The following QPCT variants were observed in gnomAD, a reference collection of about 807,000 sequenced individuals.
The protein encoded by QPCT is glutaminyl-peptide cyclotransferase, also known as EC.
QPCT carries 44 observed loss-of-function variants against 43.4 expected under a neutral mutation model. The ratio of observed to expected loss-of-function variants is 1.01; its 90% CI spans 0.80 to 1.30. The LOEUF (loss-of-function observed/expected upper bound fraction) is 1.30, where lower values mean the gene tolerates loss of function less well. Among genes scored for constraint, QPCT ranks in the 50% most tolerant of loss-of-function variants. The pLI, the probability that QPCT is intolerant of heterozygous loss-of-function variation, is 0.00. For missense variants in QPCT, 526 were observed against 436.5 expected, an observed-to-expected ratio of 1.21 and a Z score of -1.83; for synonymous variants, 168 against 168.4, an observed-to-expected ratio of 1.00 and a Z score of 0.02.
intron 3 of QPCT, among the ~76,000 whole-genome samples, chr2:37,365,066 C>T (rs2124940581): frequency 6.7e-6 from 1 of 149,780 alleles, no homozygotes; most frequent in Non-Finnish European, 1.5e-5. Context: ...TAACAATACA[C>T]ACACAACACA....
At chr2:37,355,543 A>G (rs74530201) in intron 2 of QPCT, among the ~76,000 whole-genome samples, 4,472 of 152,320 alleles carry the variant, frequency 0.029, 88 homozygotes, top group Non-Finnish European at 0.043. Context: ...TGTAGTTACC[A>G]GTAAAGATGT....
intron 3 of QPCT, 192 bp from the exon 4 acceptor site, chr2:37,367,040 G>A: frequency 1.7e-6 from 1 of 593,400 alleles, no homozygotes; most frequent in Admixed American, 3.1e-5. Context: ...GTTTATATGG[G>A]TGAAGACTGT....
chr2:37,359,987 A>G, intron 3 of QPCT, 129 bp downstream of exon 3: 1 of 1,005,668 alleles, frequency 9.9e-7, no homozygotes, highest in South Asian at 1.6e-5. Flanking sequence ...TTTTATTATG[A>G]ACATTAATTG....
intron 2 of QPCT, among the ~76,000 whole-genome samples, chr2:37,354,231 T>C (rs549401123): frequency 6.6e-6 from 1 of 152,336 alleles, no homozygotes; most frequent in East Asian, 1.9e-4. Context: ...CATATGTCTG[T>C]GTCCCCATTA....
intron 1 of QPCT, among the ~76,000 whole-genome samples, chr2:37,346,921 C>G (rs568097449): frequency 6.6e-6 from 1 of 151,682 alleles, no homozygotes; most frequent in Admixed American, 6.6e-5. Context: ...ATTTTGAAAT[C>G]CATTTCCTTC....
At chr2:37,356,373 A>T (rs909005593) in intron 2 of QPCT, among the ~76,000 whole-genome samples, 15 of 152,046 alleles carry the variant, frequency 9.9e-5, no homozygotes, top group African/African-American at 2.7e-4. Flanking sequence ...CCATTTTAAA[A>T]CATAGATGTA....
chr2:37,363,415 G>C (rs1672892686), intron 3 of QPCT, among the ~76,000 whole-genome samples: 2 of 143,264 alleles, frequency 1.4e-5, no homozygotes, highest in Admixed American at 7.2e-5. Flanking sequence ...TTGAGGCCAA[G>C]AGTTTGAGAC....
chr2:37,352,440 C>T (rs138286686), intron 1 of QPCT, among the ~76,000 whole-genome samples: 3,046 of 152,284 alleles, frequency 0.02, 45 homozygotes, highest in Middle Eastern at 0.044. Flanking sequence ...CCTCCCACCT[C>T]AGCCTCCTAA....
chr2:37,354,167 C>T (rs1292021310), intron 2 of QPCT, among the ~76,000 whole-genome samples: 1 of 152,212 alleles, frequency 6.6e-6, no homozygotes, highest in African/African-American at 2.4e-5. Flanking sequence ...TCCGGCTGAG[C>T]TCTTCCTTTC....
chr2:37,364,142 A>G (rs1332708538), intron 3 of QPCT, among the ~76,000 whole-genome samples: 1 of 152,236 alleles, frequency 6.6e-6, no homozygotes, highest in South Asian at 2.1e-4. Flanking sequence ...CAGAAAAATT[A>G]AATAGGAAAA....
chr2:37,348,063 C>CAT (rs1227697325), intron 1 of QPCT, among the ~76,000 whole-genome samples: 23 of 148,488 alleles, frequency 1.5e-4, no homozygotes, highest in African/African-American at 5.2e-4. Context: ...CGCGCGCACG[C>CAT]GTGTGTGTGT....
chr2:37,368,054 A>G (rs780073734), intron 4 of QPCT, among the ~76,000 whole-genome samples: 72 of 152,260 alleles, frequency 4.7e-4, no homozygotes, highest in Non-Finnish European at 8.5e-4. Context: ...GGCCTTTATA[A>G]GTCTGAAGAA....
chr2:37,368,157 G>C (rs1673003073), intron 4 of QPCT: 1 of 163,042 alleles, frequency 6.1e-6, no homozygotes. Flanking sequence ...GTGTGACTAT[G>C]ACAGTTTGAT....
intron 2 of QPCT, among the ~76,000 whole-genome samples, chr2:37,354,446 G>A (rs142402872): frequency 1.7e-3 from 260 of 152,324 alleles, no homozygotes; most frequent in African/African-American, 6.0e-3. Context: ...TCAGAACAGT[G>A]TGTGGATGCT....
intron 2 of QPCT, among the ~76,000 whole-genome samples, chr2:37,357,178 A>T (rs933484212): frequency 1.3e-5 from 2 of 152,190 alleles, no homozygotes; most frequent in African/African-American, 4.8e-5. Context: ...TATATTTTTT[A>T]AAATTCCAAT....
chr2:37,356,928 A>G (rs1371397848), intron 2 of QPCT, among the ~76,000 whole-genome samples: 8 of 151,468 alleles, frequency 5.3e-5, no homozygotes, highest in African/African-American at 9.7e-5. Flanking sequence ...ATTTGCTTGA[A>G]CCAGGGAGTT....
At chr2:37,361,337 A>G (rs1214713789) in intron 3 of QPCT, among the ~76,000 whole-genome samples, 1 of 152,210 alleles carries the variant, frequency 6.6e-6, no homozygotes, top group African/African-American at 2.4e-5. Context: ...GCAACTCTTC[A>G]TAGCTCCACT....
intron 3 of QPCT, among the ~76,000 whole-genome samples, chr2:37,363,213 C>A (rs1442557988): frequency 6.6e-6 from 1 of 152,176 alleles, no homozygotes; most frequent in East Asian, 1.9e-4. Flanking sequence ...TGGCTGGGCA[C>A]CAGATTGCCT....
At chr2:37,353,509 T>A (rs572049623) in intron 2 of QPCT, among the ~76,000 whole-genome samples, 4 of 152,318 alleles carry the variant, frequency 2.6e-5, no homozygotes, top group African/African-American at 9.6e-5. Flanking sequence ...ACGAAAAATA[T>A]TCTTACAGCA....
Sources: gnomAD v4.1 joint callset for allele counts (sites outside exome capture counted in the v4.1 genomes callset) on GRCh38, gnomAD v4.1.1 for gene constraint, MANE v1.5 for transcripts, NCBI Gene and HGNC (gene_info 2026-07-23, HGNC 2026-07-21) for gene names.